TENM4: variants seen among roughly 807,000 people sequenced by gnomAD.
TENM4 encodes the protein teneurin transmembrane protein 4, also known as teneurin-4.
A neutral mutation model predicts 243.3 loss-of-function variants in TENM4; 82 were observed. The observed-to-expected ratio is 0.34, with a 90% CI of 0.28 to 0.40. The LOEUF is 0.40. Among genes scored for constraint, TENM4 ranks in the 10% least tolerant of loss-of-function variants. TENM4 has a pLI of 1.00. For missense variants in TENM4, 3,138 were observed against 3,673.3 expected (o/e 0.85, Z 3.77); for synonymous variants, 1,412 against 1,456.3 (o/e 0.97, Z 0.69).
chr11:78,977,541 G>A (rs1857689361), intron 6 of TENM4, among the ~76,000 whole-genome samples: 1 of 152,186 alleles, frequency 6.6e-6, no homozygotes, highest in African/African-American at 2.4e-5. Flanking sequence ...CTGTCTACTA[G>A]ACTACCTTGT....
In TENM4 at chr11:78,656,332, G is replaced by C. The variant is rs1000544521; in HGVS notation, c.*1726C>G. On this transcript the variant is annotated 3_prime_UTR_variant, in exon 34 of 34. Coordinates refer to ENST00000278550, the MANE Select transcript of TENM4 (RefSeq NM_001098816.3). The stretch of plus-strand genomic sequence containing the variant: ...CTTAATGTAAATGTAACCCATAAAA[G>C]TTCCATTTTCTAAGAAGCCCAGCTT... 1 of 152,226 alleles carries C rather than the reference G, an allele frequency of 6.6e-6. No individual in the cohort carries two copies. Among genetic ancestry groups the C allele is most frequent in the African/African-American group, 2.4e-5 (1 of 41,454 alleles). 9.4% of individuals were successfully genotyped at this position (152,226 alleles called of 1,614,324 possible).
At chr11:79,425,933 C>T (rs546310953) in intron 1 of TENM4, among the ~76,000 whole-genome samples, 1 of 152,294 alleles carries the variant, frequency 6.6e-6, no homozygotes, top group Non-Finnish European at 1.5e-5. Flanking sequence ...TAGGAATGTG[C>T]TGTAAATTAT....
chr11:79,366,636 T>C, intron 1 of TENM4, among the ~76,000 whole-genome samples: 1 of 152,166 alleles, frequency 6.6e-6, no homozygotes, highest in Admixed American at 6.5e-5. Context: ...TAACATTAGG[T>C]GTTAATTCCC....
At chr11:78,822,622 G>T (rs1016665901) in intron 12 of TENM4, among the ~76,000 whole-genome samples, 1 of 152,106 alleles carries the variant, frequency 6.6e-6, no homozygotes, top group Non-Finnish European at 1.5e-5. Context: ...GGCATGTGGG[G>T]CTTAATATCT....
intron 23 of TENM4, among the ~76,000 whole-genome samples, chr11:78,723,953 C>G (rs936167666): frequency 2.0e-5 from 3 of 152,152 alleles, no homozygotes; most frequent in African/African-American, 7.2e-5. Context: ...AAGTACTCCA[C>G]TAATTAATTA....
Position 78,805,277 on chromosome 11 carries a change from T to TGCCCCCCC in TENM4, c.2179+14_2179+15insGGGGGGGC. 2.3e-4 allele frequency: 326 copies of TGCCCCCCC among 1,402,196 alleles called. No individual in the cohort carries two copies. Among genetic ancestry groups the TGCCCCCCC allele is most frequent in the Non-Finnish European group, 2.8e-4 (285 of 1,032,806 alleles). The allele number at this position is 1,402,196 out of a possible 1,614,324, so 86.9% of individuals were successfully genotyped here. ...CCCCTCCCTCTACCCATGCTTCTTC[T>TGCCCCCCC]CCCCCTGCATTTACCGATAGAACAG... On this transcript the variant is annotated intron_variant, in intron 15 of 33. Coordinates refer to ENST00000278550, the MANE Select transcript of TENM4 (RefSeq NM_001098816.3).
rs140214131 is a variant in TENM4 at position 79,261,664 on chromosome 11, G to A, written c.-265+35824C>T. ...GAGAGAGCTGTGGGTTTTGTAGGAC[G>A]TGATGGCTTCTACAATTTTTTTGGT... On this transcript the variant is annotated intron_variant, in intron 2 of 33. Coordinates refer to ENST00000278550, the MANE Select transcript of TENM4 (RefSeq NM_001098816.3). 2.3e-3 allele frequency among the ~76,000 whole-genome samples: 345 copies of A among 152,264 alleles called. 4 individuals are homozygous for A. The South Asian group carries it at 0.047, about 21-fold the overall frequency.
At chr11:79,317,538 C>T (rs1022705309) in intron 1 of TENM4, among the ~76,000 whole-genome samples, 2 of 152,012 alleles carry the variant, frequency 1.3e-5, no homozygotes, top group Non-Finnish European at 2.9e-5. Context: ...ACTTTTATAT[C>T]TTTATTAAAT....
intron 12 of TENM4, among the ~76,000 whole-genome samples, chr11:78,853,071 T>C (rs1444219195): frequency 1.3e-5 from 2 of 152,100 alleles, no homozygotes; most frequent in Non-Finnish European, 2.9e-5. Flanking sequence ...GAAACTTTTA[T>C]CAAACTCCAT....
intron 1 of TENM4, among the ~76,000 whole-genome samples, chr11:79,313,536 A>T (rs557220293): frequency 6.6e-6 from 1 of 152,134 alleles, no homozygotes; most frequent in South Asian, 2.1e-4. Context: ...TCACAGAAAG[A>T]GCTCCATTCC....
At chr11:79,312,637 A>G (rs1006344941) in intron 1 of TENM4, among the ~76,000 whole-genome samples, 9 of 151,948 alleles carry the variant, frequency 5.9e-5, no homozygotes, top group Non-Finnish European at 1.2e-4. Context: ...AATAAATACC[A>G]CCTCTGAATT....
intron 27 of TENM4, among the ~76,000 whole-genome samples, chr11:78,704,034 T>TACAC (rs375601895): frequency 4.9e-4 from 68 of 138,264 alleles, no homozygotes; most frequent in South Asian, 2.7e-3. Flanking sequence ...CATATATATA[T>TACAC]ACACACACAC....
chr11:79,031,591 G>T (rs1383446892), intron 6 of TENM4, among the ~76,000 whole-genome samples: 1 of 152,196 alleles, frequency 6.6e-6, no homozygotes, highest in Non-Finnish European at 1.5e-5. Context: ...TGCAGCAGAA[G>T]TTTGCTTAAT....
At chr11:78,796,402 C>T (rs572627523) in intron 15 of TENM4, among the ~76,000 whole-genome samples, 19 of 152,274 alleles carry the variant, frequency 1.2e-4, no homozygotes, top group African/African-American at 4.3e-4. Context: ...CTGACCCCCA[C>T]TAAAAGGGCC....
intron 1 of TENM4, among the ~76,000 whole-genome samples, chr11:79,374,683 GT>G (rs1398273993): frequency 6.6e-6 from 1 of 152,094 alleles, no homozygotes; most frequent in Non-Finnish European, 1.5e-5. Context: ...GAGGATCCTA[GT>G]TTTTTCACAG....
At chr11:79,165,277 C>G (rs1347808398) in intron 3 of TENM4, among the ~76,000 whole-genome samples, 1 of 152,052 alleles carries the variant, frequency 6.6e-6, no homozygotes, top group Non-Finnish European at 1.5e-5. Context: ...AAAGTGTTCC[C>G]TTTTCACCAC....
intron 12 of TENM4, among the ~76,000 whole-genome samples, chr11:78,835,067 T>G (rs1858071869): frequency 6.6e-6 from 1 of 152,184 alleles, no homozygotes; most frequent in Admixed American, 6.5e-5. Flanking sequence ...GTGGGTTTAC[T>G]CCTGCTTGTT....
At chr11:79,338,970 C>A (rs934519540) in intron 1 of TENM4, among the ~76,000 whole-genome samples, 3 of 152,172 alleles carry the variant, frequency 2.0e-5, no homozygotes, top group African/African-American at 7.2e-5. Flanking sequence ...GGGCTAGAAA[C>A]CCAAAGGCCG....
chr11:79,233,182 T>C (rs980764036), intron 2 of TENM4, among the ~76,000 whole-genome samples: 8 of 152,366 alleles, frequency 5.3e-5, no homozygotes, highest in African/African-American at 1.9e-4. Flanking sequence ...TGTTATTTAC[T>C]AACATATCTC....
Sources: allele counts gnomAD v4.1 joint callset (sites outside exome capture counted in the v4.1 genomes callset), GRCh38; gene constraint gnomAD v4.1.1; transcripts MANE v1.5; gene names NCBI Gene and HGNC (gene_info 2026-07-23, HGNC 2026-07-21).